CHST9: variants seen among roughly 807,000 people sequenced by gnomAD.
CHST9 encodes the protein carbohydrate sulfotransferase 9, also known as GalNAc-4-sulfotransferase 2.
A neutral mutation model predicts 44.4 loss-of-function variants in CHST9; 41 were observed. That is an observed-to-expected ratio of 0.92 (90% CI 0.72 to 1.20). The LOEUF (loss-of-function observed/expected upper bound fraction) is 1.20, where lower values mean the gene tolerates loss of function less well. CHST9 is among the 50% of genes most tolerant of loss of function. CHST9 has a pLI of 0.00. For synonymous variants in CHST9, 171 were observed against 178.4 expected, an observed-to-expected ratio of 0.96 and a Z score of 0.33; for missense variants, 504 against 516.5, an observed-to-expected ratio of 0.98 and a Z score of 0.23.
chr18:27,120,571 T>C (rs2058366083), intron 2 of CHST9, among the ~76,000 whole-genome samples: 1 of 148,628 alleles, frequency 6.7e-6, no homozygotes, highest in African/African-American at 2.6e-5. Context: ...AAGACCTCAG[T>C]AATCCACGTT....
intron 1 of CHST9, among the ~76,000 whole-genome samples, chr18:27,146,224 C>T (rs1392377719): frequency 6.6e-6 from 1 of 152,152 alleles, no homozygotes; most frequent in Admixed American, 6.5e-5. Context: ...ATGTTACTAT[C>T]CTCTGACATA....
At chr18:27,014,741 C>T (rs934667196) in intron 4 of CHST9, among the ~76,000 whole-genome samples, 3 of 151,922 alleles carry the variant, frequency 2.0e-5, no homozygotes, top group Non-Finnish European at 2.9e-5. Flanking sequence ...TACACATTCC[C>T]CCAGAAAAGG....
At chr18:27,046,754 T>C (rs539557020) in intron 3 of CHST9, among the ~76,000 whole-genome samples, 2 of 152,176 alleles carry the variant, frequency 1.3e-5, no homozygotes, top group South Asian at 4.1e-4. Flanking sequence ...CGTGATTTGT[T>C]GTCATTTGAA....
chr18:27,010,912 C>A, intron 4 of CHST9, among the ~76,000 whole-genome samples: 1 of 143,056 alleles, frequency 7.0e-6, no homozygotes, highest in Admixed American at 7.3e-5. Flanking sequence ...AAAGAGAGGG[C>A]GGTGAATACA....
chr18:27,128,557 C>T (rs1374751064), intron 2 of CHST9, among the ~76,000 whole-genome samples: 3 of 152,196 alleles, frequency 2.0e-5, no homozygotes, highest in Admixed American at 1.3e-4. Context: ...CGTGAGCCAC[C>T]GTGCCCGGCC....
At chr18:27,020,141 T>C (rs527850528) in intron 4 of CHST9, among the ~76,000 whole-genome samples, 2 of 152,318 alleles carry the variant, frequency 1.3e-5, no homozygotes, top group African/African-American at 4.8e-5. Context: ...AAAGGACTGA[T>C]GTGCATTTGT....
chr18:27,109,072 G>A (rs1364773127), intron 2 of CHST9, among the ~76,000 whole-genome samples: 2 of 152,200 alleles, frequency 1.3e-5, no homozygotes, highest in African/African-American at 4.8e-5. Flanking sequence ...GTATGCTGAG[G>A]AGGTCAGAAG....
At chr18:27,104,396 T>A (rs1028198694) in intron 2 of CHST9, among the ~76,000 whole-genome samples, 2 of 152,176 alleles carry the variant, frequency 1.3e-5, no homozygotes, top group African/African-American at 2.4e-5. Context: ...TGGGTAGAAA[T>A]TTTTTTCAGA....
chr18:27,076,207 T>G (rs558848815), intron 2 of CHST9, among the ~76,000 whole-genome samples: 36 of 152,208 alleles, frequency 2.4e-4, no homozygotes, highest in Non-Finnish European at 4.4e-4. Flanking sequence ...ATTAAATTCC[T>G]GAGAGTTTAG....
chr18:26,944,395 C>T (rs765461282), intron 4 of CHST9, 29 bp from the exon 5 acceptor site: 1 of 1,531,748 alleles, frequency 6.5e-7, no homozygotes, highest in Non-Finnish European at 9.0e-7. Flanking sequence ...AGAATTTTTA[C>T]ATTAAAGCAT....
At chr18:26,917,631 C>A (rs1568090040) in intron 5 of CHST9, among the ~76,000 whole-genome samples, 4 of 152,108 alleles carry the variant, frequency 2.6e-5, no homozygotes, top group African/African-American at 7.2e-5. Flanking sequence ...CTCAACCATT[C>A]TGAGCATCTA....
At chr18:27,030,950 T>A (rs2057334498) in intron 3 of CHST9, among the ~76,000 whole-genome samples, 1 of 152,210 alleles carries the variant, frequency 6.6e-6, no homozygotes, top group Admixed American at 6.5e-5. Flanking sequence ...CTCTTCATTA[T>A]CATGCAATCA....
chr18:27,153,837 G>A (rs1481707817), intron 1 of CHST9, among the ~76,000 whole-genome samples: 5 of 152,118 alleles, frequency 3.3e-5, no homozygotes, highest in Admixed American at 2.6e-4. Flanking sequence ...CAGGTGATCT[G>A]AGAATGAAGC....
intron 4 of CHST9, among the ~76,000 whole-genome samples, chr18:27,019,793 G>A (rs939976626): frequency 1.3e-5 from 2 of 151,060 alleles, no homozygotes; most frequent in African/African-American, 4.9e-5. Flanking sequence ...TGAGTCTTGT[G>A]TTCTAAGTGG....
At chr18:27,045,096 T>A (rs1268492027) in intron 3 of CHST9, among the ~76,000 whole-genome samples, 1 of 150,738 alleles carries the variant, frequency 6.6e-6, no homozygotes, top group East Asian at 1.9e-4. Flanking sequence ...TTTTTGCAAA[T>A]GATGTAAATG....
chr18:26,914,973 C>T lies in CHST9; in HGVS notation c.*1286G>A. The T allele has an allele frequency of 7.8e-6, 3 of 382,960 alleles. No homozygotes were observed. The highest frequency in any genetic ancestry group is 9.1e-6 in the Non-Finnish European group (2 of 219,602). 23.7% of individuals were successfully genotyped at this position (382,960 alleles called of 1,614,324 possible). On this transcript the variant is annotated 3_prime_UTR_variant, in exon 6 of 6. Transcript: ENST00000618847. ...CAAATGTTTCCCATCCAAAATGATC[C>T]CTTTTTTTTTCCCCAAGGGATCTAA...
intron 5 of CHST9, among the ~76,000 whole-genome samples, chr18:26,929,490 C>T (rs2055836780): frequency 6.6e-6 from 1 of 152,140 alleles, no homozygotes; most frequent in Non-Finnish European, 1.5e-5. Context: ...TCTTTAAATA[C>T]CGGGCATATC....
At chr18:27,055,187 G>A (rs1435443596) in intron 2 of CHST9, among the ~76,000 whole-genome samples, 2 of 152,006 alleles carry the variant, frequency 1.3e-5, no homozygotes, top group Non-Finnish European at 2.9e-5. Flanking sequence ...TATGAAGAAG[G>A]CATAGAATCA....
intron 2 of CHST9, among the ~76,000 whole-genome samples, chr18:27,074,930 T>A (rs1351230668): frequency 6.7e-6 from 1 of 148,752 alleles, no homozygotes; most frequent in African/African-American, 2.4e-5. Context: ...CAATAACTTA[T>A]AAGATTTAAC....
Sources: allele counts gnomAD v4.1 joint callset (sites outside exome capture counted in the v4.1 genomes callset), GRCh38; gene constraint gnomAD v4.1.1; transcripts MANE v1.5; gene names NCBI Gene and HGNC (gene_info 2026-07-23, HGNC 2026-07-21).